MEIS2: variants seen among roughly 807,000 people sequenced by gnomAD.
MEIS2 encodes homeobox protein Meis2.
A neutral mutation model predicts 58.6 loss-of-function variants in MEIS2; 9 were observed. The observed-to-expected ratio is 0.15, with a 90% CI of 0.09 to 0.27. The LOEUF is 0.27. Among genes scored for constraint, MEIS2 ranks in the 10% least tolerant of loss-of-function variants. The pLI is 1.00. For synonymous variants in MEIS2, 221 were observed against 228.4 expected (o/e 0.97, Z 0.29); for missense variants, 427 against 635.0 (o/e 0.67, Z 3.52).
At chr15:36,965,196 C>T (rs918323520) in intron 8 of MEIS2, among the ~76,000 whole-genome samples, 28 of 152,108 alleles carry the variant, frequency 1.8e-4, no homozygotes, top group Non-Finnish European at 2.2e-4. Context: ...CATTCTTATT[C>T]TTCATATAGA....
rs546218115 is a variant in MEIS2, at chr15:36,964,764, G to T, written c.901-14364C>A. On this transcript the variant is annotated intron_variant, in intron 8 of 11. Transcript: ENST00000561208. Reference sequence around the variant, plus strand: ...GAATTTAAAGTGTAGATACATTTTGGAAACACTCAACCAACTCAGGAAACA... The same window carrying T: ...GAATTTAAAGTGTAGATACATTTTGTAAACACTCAACCAACTCAGGAAACA... Among the ~76,000 whole-genome samples, 60 of 151,982 alleles carry T rather than the reference G, an allele frequency of 3.9e-4. 1 individual carries two copies. The highest frequency in any genetic ancestry group is 1.4e-3 in the African/African-American group (59 of 41,456).
At chr15:37,018,282 T>A (rs2061415422) in intron 8 of MEIS2, among the ~76,000 whole-genome samples, 1 of 152,162 alleles carries the variant, frequency 6.6e-6, no homozygotes, top group Admixed American at 6.5e-5. Flanking sequence ...AAGAAACAAT[T>A]ACTGGACCTT....
intron 6 of MEIS2, among the ~76,000 whole-genome samples, chr15:37,087,734 A>G (rs1459823855): frequency 6.6e-6 from 1 of 152,162 alleles, no homozygotes; most frequent in Non-Finnish European, 1.5e-5. Flanking sequence ...GATACACTGG[A>G]ATTGTAACAT....
rs554939676 is a variant in MEIS2, at chr15:36,895,133, C to T, written c.1147+18G>A. 74 of 1,604,208 alleles carry T rather than the reference C, an allele frequency of 4.6e-5. No individual in the cohort carries two copies. Among genetic ancestry groups the T allele is most frequent in the East Asian group, 3.1e-4 (14 of 44,840 alleles). ...GGCACTTCCCAGGGAAGCCCAGAGG[C>T]GGGATGAGCCAACCTACCTGCAGGC... is the stretch of plus-strand genomic sequence containing the variant. On this transcript the variant is annotated intron_variant, in intron 11 of 11. Transcript: ENST00000561208.
intron 8 of MEIS2, among the ~76,000 whole-genome samples, chr15:36,989,276 C>T (rs865964908): frequency 9.2e-5 from 14 of 152,176 alleles, no homozygotes; most frequent in Middle Eastern, 3.2e-3. Context: ...TCATGGTTTT[C>T]CTGTAAATTT....
intron 7 of MEIS2, among the ~76,000 whole-genome samples, chr15:37,045,603 T>C (rs2062630262): frequency 6.6e-6 from 1 of 152,222 alleles, no homozygotes; most frequent in Non-Finnish European, 1.5e-5. Context: ...TTTACCTTTT[T>C]TTCACATCAG....
chr15:37,088,669 T>G (rs1893173364), intron 6 of MEIS2, among the ~76,000 whole-genome samples: 1 of 152,104 alleles, frequency 6.6e-6, no homozygotes, highest in South Asian at 2.1e-4. Flanking sequence ...TTCCCTCACC[T>G]CCCCACTTCT....
At chr15:37,094,074 G>A (rs1893882911) in intron 5 of MEIS2, 3 of 287,768 alleles carry the variant, frequency 1.0e-5, no homozygotes, top group Admixed American at 5.0e-5. Flanking sequence ...TGGAGCTGGG[G>A]AGAGCATTAA....
intron 8 of MEIS2, among the ~76,000 whole-genome samples, chr15:37,016,929 C>A (rs1389137976): frequency 6.6e-6 from 1 of 152,206 alleles, no homozygotes; most frequent in East Asian, 1.9e-4. Context: ...CTTCATTGCA[C>A]AATATTTTTC....
At chr15:37,026,795 A>G (rs2061722469) in intron 8 of MEIS2, among the ~76,000 whole-genome samples, 1 of 152,220 alleles carries the variant, frequency 6.6e-6, no homozygotes, top group African/African-American at 2.4e-5. Flanking sequence ...ATCAAGTCAG[A>G]TTCAACAAAT....
chr15:36,976,875 G>A (rs1001294495), intron 8 of MEIS2, among the ~76,000 whole-genome samples: 1 of 152,176 alleles, frequency 6.6e-6, no homozygotes, highest in African/African-American at 2.4e-5. Context: ...TGTAATCCCA[G>A]CACTTTGGGA....
chr15:37,018,951 C>T (rs1039979637), intron 8 of MEIS2, among the ~76,000 whole-genome samples: 1 of 152,082 alleles, frequency 6.6e-6, no homozygotes, highest in Non-Finnish European at 1.5e-5. Context: ...CCCAGCAGGC[C>T]AGGTCGGTCA....
chr15:37,070,864 A>G (rs1890609276), intron 7 of MEIS2, among the ~76,000 whole-genome samples: 1 of 152,080 alleles, frequency 6.6e-6, no homozygotes, highest in Non-Finnish European at 1.5e-5. Context: ...AGAATGTCAA[A>G]GCTTTATTTT....
intron 7 of MEIS2, among the ~76,000 whole-genome samples, chr15:37,058,665 T>C (rs372469073): frequency 1.3e-5 from 2 of 152,216 alleles, no homozygotes; most frequent in Non-Finnish European, 2.9e-5. Flanking sequence ...AAAATGTGTT[T>C]TCCTCTTTCT....
intron 8 of MEIS2, among the ~76,000 whole-genome samples, chr15:37,023,585 C>T (rs2061597107): frequency 6.6e-6 from 1 of 152,092 alleles, no homozygotes; most frequent in Non-Finnish European, 1.5e-5. Context: ...TAACATCTTC[C>T]CTCTCCTCCC....
At chr15:36,995,181 A>C (rs545273171) in intron 8 of MEIS2, among the ~76,000 whole-genome samples, 3 of 152,338 alleles carry the variant, frequency 2.0e-5, no homozygotes, top group Admixed American at 2.0e-4. Flanking sequence ...TATATGGCTG[A>C]AGGGAAATGG....
In MEIS2 at chr15:37,099,777, C is replaced by A; in HGVS notation, c.-311G>T. 2.9e-6 allele frequency: 1 copy of A among 346,196 alleles called. No homozygotes were observed. The highest frequency in any genetic ancestry group is 4.7e-5 in the Admixed American group (1 of 21,280). 21.4% of individuals were successfully genotyped at this position (346,196 alleles called of 1,614,324 possible). A position where few individuals can be genotyped will look rare whatever the true frequency, so the allele number is the denominator to read the frequency against. On this transcript the variant is annotated 5_prime_UTR_variant, in exon 1 of 12. The change creates a new upstream start codon in the 5' untranslated region. Transcript: ENST00000561208. Reference sequence around the variant, plus strand: ...CCTCCTCTTCGGTCCTCCTTTCCCCCTCTTTCTCTTCTCTTCCCCTCAGTT... The same window carrying A: ...CCTCCTCTTCGGTCCTCCTTTCCCCATCTTTCTCTTCTCTTCCCCTCAGTT...
At chr15:37,016,464 C>A (rs2061351066) in intron 8 of MEIS2, among the ~76,000 whole-genome samples, 1 of 151,842 alleles carries the variant, frequency 6.6e-6, no homozygotes, top group Admixed American at 6.6e-5. Flanking sequence ...CACAACATGG[C>A]AGACGGTGAT....
chr15:36,962,303 A>G (rs2059212815), intron 8 of MEIS2, among the ~76,000 whole-genome samples: 1 of 152,220 alleles, frequency 6.6e-6, no homozygotes, highest in Non-Finnish European at 1.5e-5. Flanking sequence ...CCAGTTACCC[A>G]TAGAGTATGA....
Sources: allele counts gnomAD v4.1 joint callset (sites outside exome capture counted in the v4.1 genomes callset), GRCh38; gene constraint gnomAD v4.1.1; transcripts MANE v1.5; gene names NCBI Gene and HGNC (gene_info 2026-07-23, HGNC 2026-07-21).